Variants in NCF2 observed in about 807,000 individuals in gnomAD.
The protein encoded by NCF2 is neutrophil cytosol factor 2.
In NCF2, 45 loss-of-function variants were observed where a neutral mutation model predicts 70.9. That is an observed-to-expected ratio of 0.63 (90% CI 0.50 to 0.81). The LOEUF is 0.81. NCF2 is among the 40% of genes least tolerant of loss of function. NCF2 has a pLI of 0.00. For missense variants in NCF2, 522 were observed against 631.6 expected (o/e 0.83, Z 1.86); for synonymous variants, 203 against 233.6 (o/e 0.87, Z 1.19).
At chr1:183,567,175 A>G in intron 8 of NCF2, 29 bp downstream of exon 8, 5 of 1,614,096 alleles carry the variant, frequency 3.1e-6, no homozygotes, top group Non-Finnish European at 4.2e-6. Context: ...TCCCATGCCC[A>G]TCGCACCAGC....
chr1:183,594,918 T>C (rs1008913651), upstream of NCF2, among the ~76,000 whole-genome samples: 2 of 152,222 alleles, frequency 1.3e-5, no homozygotes, highest in Non-Finnish European at 2.9e-5. Context: ...CTTTTTCTGG[T>C]ACATGAGACT....
intron 2 of NCF2, among the ~76,000 whole-genome samples, chr1:183,578,299 C>G (rs1456327565): frequency 6.6e-6 from 1 of 152,076 alleles, no homozygotes; most frequent in Non-Finnish European, 1.5e-5. Context: ...TCTGCCTCCT[C>G]CCTACACTTT....
At position 183,569,055 on chromosome 1, in the gene NCF2, C is replaced by A. The variant is rs1208807570; in HGVS notation, c.713+87G>T. The stretch of plus-strand genomic sequence containing the variant: ...ATTCAACAAGATTTAGACCCTGACC[C>A]CACCTTCATCTTCTTCCCTCCCTTT... On this transcript the variant is annotated intron_variant, in intron 7 of 14. Transcript: ENST00000367535. The A allele has an allele frequency of 2.3e-6, 3 of 1,288,038 alleles. No homozygotes were observed. The East Asian group carries it at 6.9e-5, about 30-fold the overall frequency. The allele number at this position is 1,288,038 out of a possible 1,614,324, so 79.8% of individuals were successfully genotyped here.
chr1:183,594,570 G>A (rs1015238610), upstream of NCF2, among the ~76,000 whole-genome samples: 3 of 152,034 alleles, frequency 2.0e-5, no homozygotes, highest in East Asian at 1.9e-4. Context: ...CTGGATTCTC[G>A]GTACCTAGTA....
At chr1:183,590,128 A>G (rs573636389) in intron 1 of NCF2, 28 bp downstream of exon 1, 2 of 1,613,882 alleles carry the variant, frequency 1.2e-6, no homozygotes, top group Non-Finnish European at 1.7e-6. Flanking sequence ...TGCACAGAGG[A>G]GGCCCGGAAA....
Position 183,556,159 on chromosome 1 carries a change from A to G in NCF2, c.1540T>C (p.Cys514Arg), listed in dbSNP as rs1467304073. The change falls in exon 15 of 15, where the codon TGC (cysteine) becomes CGC (arginine). Residue 514 changes from cysteine (C) to arginine (R), a missense_variant. Cys to Arg is a radical substitution (Grantham distance 180). Transcript: ENST00000367535. The part of the protein sequence containing the change: ...GIFPKVFVED[C>R]ATTDLESTRR... ...GTGCTTTCCAAATCTGTAGTTGCGC[A>G]GTCTTCAACAAAAACTTTGGGGAAA... is the stretch of plus-strand genomic sequence containing the variant. The G allele has an allele frequency of 4.1e-5, 66 of 1,614,206 alleles. No homozygotes were observed. The highest frequency in any genetic ancestry group is 5.3e-5 in the Non-Finnish European group (62 of 1,180,014).
At chr1:183,566,540 G>A (rs1052953953) in intron 9 of NCF2, among the ~76,000 whole-genome samples, 2 of 152,172 alleles carry the variant, frequency 1.3e-5, no homozygotes, top group African/African-American at 4.8e-5. Flanking sequence ...AACTGCAGCT[G>A]GCCTCATTTT....
intron 2 of NCF2, 40 bp downstream of exon 2, chr1:183,586,855 C>T (rs755372753): frequency 6.3e-7 from 1 of 1,588,436 alleles, no homozygotes; most frequent in Non-Finnish European, 8.6e-7. Context: ...TTGGGTTTCT[C>T]TCTGAAATCC....
chr1:183,555,577 A>C lies in NCF2; in HGVS notation c.*541T>G, dbSNP rs1671722706. ...CAAGACATAATGAAAAAAGAAAACA[A>C]ACAAGTTTATTTGTATATGCCTTAT... On this transcript the variant is annotated 3_prime_UTR_variant, in exon 15 of 15. Transcript: ENST00000367535. 1 of 155,976 alleles carries C rather than the reference A, an allele frequency of 6.4e-6. No homozygotes were observed. The highest frequency in any genetic ancestry group is 2.4e-5 in the African/African-American group (1 of 41,458). The allele number at this position is 155,976 out of a possible 1,614,324, so 9.7% of individuals were successfully genotyped here.
intron 2 of NCF2, among the ~76,000 whole-genome samples, 170 bp from the exon 3 acceptor site, chr1:183,577,877 C>T (rs148539738): frequency 1.6e-3 from 245 of 152,336 alleles, no homozygotes; most frequent in Middle Eastern, 6.8e-3. Context: ...GTATTCTATA[C>T]AACTCCTTGG....
At chr1:183,569,946 C>T (rs1003736369) in intron 6 of NCF2, among the ~76,000 whole-genome samples, 1 of 152,190 alleles carries the variant, frequency 6.6e-6, no homozygotes, top group Non-Finnish European at 1.5e-5. Context: ...AATCTCCTCC[C>T]CTGTTCTACA....
chr1:183,560,084 A>T lies in NCF2; in HGVS notation c.1468+12T>A, dbSNP rs1298509696. ...TGTAAATTTGTTTCTATAGTCTTGG[A>T]GTAGCACTTACCCTTTGATAACACC... is the stretch of plus-strand genomic sequence containing the variant. On this transcript the variant is annotated intron_variant, in intron 14 of 14. Transcript: ENST00000367535. 1 of 1,613,474 alleles carries T rather than the reference A, an allele frequency of 6.2e-7. No individual in the cohort carries two copies.
chr1:183,595,822 T>C (rs76080938), upstream of NCF2, among the ~76,000 whole-genome samples: 193 of 152,266 alleles, frequency 1.3e-3, 3 homozygotes, highest in East Asian at 0.035. Flanking sequence ...TCTGCAAAAA[T>C]CCCTTCACCT....
chr1:183,591,052 T>C (rs1159552124), upstream of NCF2, among the ~76,000 whole-genome samples: 1 of 152,222 alleles, frequency 6.6e-6, no homozygotes, highest in African/African-American at 2.4e-5. Context: ...AGCCCCAGAC[T>C]CACCCGCACT....
Position 183,570,630 on chromosome 1 carries a change from G to C in NCF2, c.669+150C>G. On this transcript the variant is annotated intron_variant, in intron 6 of 14. Coordinates refer to ENST00000367535, the MANE Select transcript of NCF2 (RefSeq NM_000433.4). ...CACCAGCCATGGAAACCAGGACTGA[G>C]AGAGGGCAGGCAGATCCCTCAGCTG... The C allele has an allele frequency of 3.9e-6, 3 of 779,050 alleles. No homozygotes were observed. In the South Asian group the frequency reaches 4.5e-5, roughly 12 times the overall value. 48.3% of individuals were successfully genotyped at this position (779,050 alleles called of 1,614,324 possible).
In NCF2 at chr1:183,570,764, GTCAGGACTGCC is replaced by G; in HGVS notation, c.669+5_669+15del. ...CTCGAGACCTAGGTCCATGGAGAAG[GTCAGGACTGCC>G]TTACCTGTGGTTGCAGAGGGGCAAA... On this transcript the variant is annotated splice_donor_5th_base_variant and intron_variant, in intron 6 of 14. Coordinates refer to ENST00000367535, the MANE Select transcript of NCF2 (RefSeq NM_000433.4). 2 of 1,613,698 alleles carry G rather than the reference GTCAGGACTGCC, an allele frequency of 1.2e-6. No individual in the cohort carries two copies. The highest frequency in any genetic ancestry group is 1.7e-6 in the Non-Finnish European group (2 of 1,179,604).
rs758057222 is a variant in NCF2, at chr1:183,590,281, C to T, written c.49G>A (p.Ala17Thr). ...GCTCCCTTCCAGTCCTTCTTGTCCG[C>T]TGCCAGCACCCCTTCATTCCAGAGG... is the stretch of plus-strand genomic sequence containing the variant. ...ISLWNEGVLA[A>T]DKKDWKGALD... is the part of the protein sequence containing the mutation. Residue 17 changes from alanine (A) to threonine (T), a missense_variant, in exon 1 of 15, where the codon GCG (alanine) becomes ACG (threonine). Coordinates refer to ENST00000367535, the MANE Select transcript of NCF2 (RefSeq NM_000433.4). 49 of 1,614,068 alleles carry T rather than the reference C, an allele frequency of 3.0e-5. No homozygotes were observed. The Admixed American group carries it at 8.0e-4, about 26-fold the overall frequency.
chr1:183,585,490 TG>T (rs555812016), intron 2 of NCF2, among the ~76,000 whole-genome samples: 3 of 151,986 alleles, frequency 2.0e-5, no homozygotes, highest in Non-Finnish European at 2.9e-5. Flanking sequence ...CTGGACGTAG[TG>T]GCGGGCACCT....
Position 183,574,627 on chromosome 1 carries a change from A to C in NCF2, c.367-6T>G. 1 of 1,614,182 alleles carries C rather than the reference A, an allele frequency of 6.2e-7. No homozygotes were observed. The highest frequency in any genetic ancestry group is 1.3e-5 in the African/African-American group (1 of 75,048). ...AAAGCAATGTTATATAACACCTAGAAAAGTACAGACCGCAACATAAAACTT... is the reference window on the plus strand; with the variant it reads ...AAAGCAATGTTATATAACACCTAGACAAGTACAGACCGCAACATAAAACTT... On this transcript the variant is annotated splice_polypyrimidine_tract_variant and splice_region_variant and intron_variant, in intron 3 of 14. Coordinates refer to ENST00000367535, the MANE Select transcript of NCF2 (RefSeq NM_000433.4).
Sources: allele counts gnomAD v4.1 joint callset (sites outside exome capture counted in the v4.1 genomes callset), GRCh38; gene constraint gnomAD v4.1.1; transcripts MANE v1.5; gene names NCBI Gene and HGNC (gene_info 2026-07-23, HGNC 2026-07-21).